Variants in ITFG1 observed in about 807,000 individuals in gnomAD.
The protein encoded by ITFG1 is integrin alpha FG-GAP repeat containing 1, also known as T-cell immunomodulatory protein.
ITFG1 carries 34 observed loss-of-function variants against 81.8 expected under a neutral mutation model. The ratio of observed to expected loss-of-function variants is 0.42; its 90% CI spans 0.32 to 0.55. The LOEUF (loss-of-function observed/expected upper bound fraction) is 0.55, where lower values mean the gene tolerates loss of function less well. ITFG1 is among the 20% of genes least tolerant of loss of function. The pLI is 0.17. For missense variants in ITFG1, 672 were observed against 755.4 expected (o/e 0.89, Z 1.29); for synonymous variants, 285 against 270.6 (o/e 1.05, Z -0.52).
At chr16:47,437,355 C>A (rs1383736087) in intron 5 of ITFG1, among the ~76,000 whole-genome samples, 1 of 151,776 alleles carries the variant, frequency 6.6e-6, no homozygotes, top group African/African-American at 2.4e-5. Context: ...ATAGTCCCGG[C>A]TACTCAGGAG....
intron 10 of ITFG1, among the ~76,000 whole-genome samples, chr16:47,310,892 C>T (rs1171573299): frequency 6.6e-6 from 1 of 152,148 alleles, no homozygotes; most frequent in Non-Finnish European, 1.5e-5. Flanking sequence ...AGCCTAGAGT[C>T]AGTTCTTAAC....
At chr16:47,324,533 C>T (rs569302732) in intron 8 of ITFG1, among the ~76,000 whole-genome samples, 63 of 152,198 alleles carry the variant, frequency 4.1e-4, no homozygotes, top group African/African-American at 1.4e-3. Flanking sequence ...TTAAAAGGCA[C>T]GGACTGGCAA....
intron 13 of ITFG1, among the ~76,000 whole-genome samples, chr16:47,232,903 A>G (rs1475584094): frequency 4.6e-5 from 7 of 152,114 alleles, no homozygotes; most frequent in African/African-American, 1.4e-4. Flanking sequence ...GACCTCCCAA[A>G]GTGCTGGGGT....
chr16:47,376,014 T>C, intron 6 of ITFG1, 74 bp from the exon 7 acceptor site: 2 of 774,282 alleles, frequency 2.6e-6, no homozygotes, highest in Non-Finnish European at 2.2e-6. Flanking sequence ...AGAAAAAAAA[T>C]GCAATACATT....
At chr16:47,445,511 G>A (rs770819172) in intron 5 of ITFG1, among the ~76,000 whole-genome samples, 7 of 152,120 alleles carry the variant, frequency 4.6e-5, no homozygotes, top group Non-Finnish European at 8.8e-5. Flanking sequence ...CTTTACTTAT[G>A]ATAAAGTAAA....
chr16:47,159,003 A>C lies in ITFG1; in HGVS notation c.1662-13T>G, dbSNP rs1964759159. On this transcript the variant is annotated splice_polypyrimidine_tract_variant and intron_variant, in intron 16 of 17. Coordinates refer to ENST00000320640, the MANE Select transcript of ITFG1 (RefSeq NM_030790.5). Reference sequence around the variant, plus strand: ...TTTGGCACTCCAACTGTAGATAAAAACAGAACAAATTAAAATTACAAATTT... The same window carrying C: ...TTTGGCACTCCAACTGTAGATAAAACCAGAACAAATTAAAATTACAAATTT... The C allele has an allele frequency of 7.5e-7, 1 of 1,336,662 alleles. No individual in the cohort carries two copies. The highest frequency in any genetic ancestry group is 1.0e-6 in the Non-Finnish European group (1 of 972,848). 82.8% of individuals were successfully genotyped at this position (1,336,662 alleles called of 1,614,324 possible).
intron 6 of ITFG1, among the ~76,000 whole-genome samples, chr16:47,384,415 G>C (rs1968434213): frequency 6.6e-6 from 1 of 152,176 alleles, no homozygotes; most frequent in Non-Finnish European, 1.5e-5. Flanking sequence ...TTTGTGTACT[G>C]TCTTCTTTTT....
chr16:47,433,770 AATATATATAT>A (rs59030134), intron 5 of ITFG1, among the ~76,000 whole-genome samples: 1 of 124,510 alleles, frequency 8.0e-6, no homozygotes, highest in African/African-American at 3.3e-5. Flanking sequence ...ATAAAAACTG[AATATATATAT>A]ATATATATAT....
At chr16:47,373,284 CT>C (rs889768957) in intron 7 of ITFG1, among the ~76,000 whole-genome samples, 2 of 151,384 alleles carry the variant, frequency 1.3e-5, no homozygotes, top group African/African-American at 4.9e-5. Flanking sequence ...AATACTACAT[CT>C]TTTTTTTTCC....
intron 10 of ITFG1, among the ~76,000 whole-genome samples, chr16:47,309,284 G>A (rs1967220456): frequency 6.6e-6 from 1 of 151,894 alleles, no homozygotes; most frequent in Non-Finnish European, 1.5e-5. Context: ...GGCCAGGATG[G>A]TCTCCTCGAT....
intron 8 of ITFG1, among the ~76,000 whole-genome samples, chr16:47,341,425 A>G (rs1408869123): frequency 1.3e-5 from 2 of 150,238 alleles, no homozygotes; most frequent in Non-Finnish European, 3.0e-5. Flanking sequence ...AAGAAAAAAA[A>G]AAAGAAAATA....
At chr16:47,306,032 G>A (rs989918203) in intron 10 of ITFG1, among the ~76,000 whole-genome samples, 4 of 152,048 alleles carry the variant, frequency 2.6e-5, no homozygotes, top group African/African-American at 9.7e-5. Flanking sequence ...AGAAGTAATC[G>A]GGGTCGGGAG....
intron 6 of ITFG1, among the ~76,000 whole-genome samples, chr16:47,411,108 C>T (rs1387722414): frequency 1.3e-5 from 2 of 152,156 alleles, no homozygotes; most frequent in African/African-American, 4.8e-5. Context: ...GGTTCAGGCC[C>T]CAGGTGAGAG....
intron 14 of ITFG1, among the ~76,000 whole-genome samples, chr16:47,186,222 T>A (rs142659123): frequency 0.015 from 2,329 of 152,180 alleles, 26 homozygotes; most frequent in Non-Finnish European, 0.026. Context: ...AGTATTCCAA[T>A]CAACAGAAAA....
chr16:47,398,406 C>T (rs925181125), intron 6 of ITFG1, among the ~76,000 whole-genome samples: 22 of 152,190 alleles, frequency 1.4e-4, no homozygotes, highest in Admixed American at 1.2e-3. Context: ...GCTCGCTATT[C>T]TTCAATTATT....
chr16:47,433,876 A>G (rs1466032748), intron 5 of ITFG1, among the ~76,000 whole-genome samples: 1 of 98,282 alleles, frequency 1.0e-5, no homozygotes, highest in African/African-American at 5.5e-5. Context: ...ATATATATAT[A>G]TATATATATA....
chr16:47,179,559 A>C (rs992183062), intron 14 of ITFG1, among the ~76,000 whole-genome samples: 10 of 152,228 alleles, frequency 6.6e-5, no homozygotes, highest in African/African-American at 2.2e-4. Context: ...GAGTAAAGTC[A>C]CTAAAAATCA....
At chr16:47,257,775 C>CAACCCAGTAGCAACG (rs1413994997) in intron 12 of ITFG1, among the ~76,000 whole-genome samples, 2 of 152,178 alleles carry the variant, frequency 1.3e-5, no homozygotes, top group Non-Finnish European at 2.9e-5. Context: ...GAAGAAATGA[C>CAACCCAGTAGCAACG]AACCCAGTAG....
Position 47,428,918 on chromosome 16 carries a change from T to TAC in ITFG1, c.561-22_561-21dup, listed in dbSNP as rs1969058296. 3 of 1,425,994 alleles carry TAC rather than the reference T, an allele frequency of 2.1e-6. No homozygotes were observed. Among genetic ancestry groups the TAC allele is most frequent in the Non-Finnish European group, 2.9e-6 (3 of 1,030,838 alleles). The allele number at this position is 1,425,994 out of a possible 1,614,324, so 88.3% of individuals were successfully genotyped here. On this transcript the variant is annotated intron_variant, in intron 5 of 17. Coordinates refer to ENST00000320640, the MANE Select transcript of ITFG1 (RefSeq NM_030790.5). Reference sequence around the variant, plus strand: ...AAATTCCTAAAAAATAAAATAAAAATACTTTTCTTAAGGCAAACATCAAAT... The same window carrying TAC: ...AAATTCCTAAAAAATAAAATAAAAATACACTTTTCTTAAGGCAAACATCAAAT...
Sources: gnomAD v4.1 joint callset for allele counts (sites outside exome capture counted in the v4.1 genomes callset) on GRCh38, gnomAD v4.1.1 for gene constraint, MANE v1.5 for transcripts, NCBI Gene and HGNC (gene_info 2026-07-23, HGNC 2026-07-21) for gene names.